LPP: variants seen among roughly 807,000 people sequenced by gnomAD.
The protein encoded by LPP is LIM domain containing preferred translocation partner in lipoma, also known as lipoma-preferred partner.
A neutral mutation model predicts 60.4 loss-of-function variants in LPP; 38 were observed. The ratio of observed to expected loss-of-function variants is 0.63; its 90% CI spans 0.49 to 0.83. The LOEUF (loss-of-function observed/expected upper bound fraction) is 0.83, where lower values mean the gene tolerates loss of function less well. Among genes scored for constraint, LPP ranks in the 40% least tolerant of loss-of-function variants. The pLI is 0.00. For missense variants in LPP, 902 were observed against 783.6 expected, an observed-to-expected ratio of 1.15 and a Z score of -1.80; for synonymous variants, 328 against 290.8, an observed-to-expected ratio of 1.13 and a Z score of -1.30.
At chr3:188,237,772 G>A (rs139929730) in intron 2 of LPP, among the ~76,000 whole-genome samples, 326 of 152,214 alleles carry the variant, frequency 2.1e-3, no homozygotes, top group Non-Finnish European at 3.4e-3. Context: ...CATTTATAGA[G>A]CACAGGCAGA....
chr3:188,847,383 G>T (rs1253101171), intron 9 of LPP, among the ~76,000 whole-genome samples: 1 of 152,204 alleles, frequency 6.6e-6, no homozygotes, highest in Non-Finnish European at 1.5e-5. Context: ...ATGGATGAAA[G>T]AGATGGAGAA....
intron 7 of LPP, among the ~76,000 whole-genome samples, chr3:188,644,118 C>T (rs1334666365): frequency 6.6e-6 from 1 of 152,114 alleles, no homozygotes; most frequent in Non-Finnish European, 1.5e-5. Flanking sequence ...ATCGCTTATT[C>T]TGTGTTCCAA....
chr3:188,703,748 C>A (rs1864939708), intron 7 of LPP, among the ~76,000 whole-genome samples: 1 of 152,088 alleles, frequency 6.6e-6, no homozygotes, highest in Admixed American at 6.6e-5. Flanking sequence ...ATAGAGTATT[C>A]AGAGAACAAA....
At chr3:188,852,285 C>G (rs1277699497) in intron 9 of LPP, among the ~76,000 whole-genome samples, 1 of 152,148 alleles carries the variant, frequency 6.6e-6, no homozygotes, top group East Asian at 1.9e-4. Context: ...TACACCTGGG[C>G]CAGGAGTGTT....
chr3:188,268,509 A>T (rs1736443810), intron 2 of LPP, among the ~76,000 whole-genome samples: 1 of 152,258 alleles, frequency 6.6e-6, no homozygotes. Flanking sequence ...TGGACTGGTT[A>T]CAGCTTGGTG....
chr3:188,841,614 T>C (rs1760047500), intron 9 of LPP, among the ~76,000 whole-genome samples: 1 of 152,100 alleles, frequency 6.6e-6, no homozygotes, highest in African/African-American at 2.4e-5. Context: ...ATGGTCTCTA[T>C]CTCTTGACTT....
intron 1 of LPP, among the ~76,000 whole-genome samples, chr3:188,205,275 A>ATTTT (rs1732848599): frequency 6.9e-6 from 1 of 145,024 alleles, no homozygotes; most frequent in African/African-American, 2.6e-5. Context: ...ATAGATTATA[A>ATTTT]TCTTTTTTTT....
intron 2 of LPP, among the ~76,000 whole-genome samples, chr3:188,253,073 C>CTT (rs113892337): frequency 0.014 from 1,936 of 136,550 alleles, 26 homozygotes; most frequent in Non-Finnish European, 0.019. Flanking sequence ...GTGCTCAGTC[C>CTT]TTTTTTTTTT....
At chr3:188,605,983 G>T (rs898123608) in intron 6 of LPP, among the ~76,000 whole-genome samples, 1 of 152,096 alleles carries the variant, frequency 6.6e-6, no homozygotes, top group African/African-American at 2.4e-5. Flanking sequence ...CATTTATCGG[G>T]TAGGGAGCAA....
At chr3:188,283,334 T>A (rs1742761148) in intron 2 of LPP, among the ~76,000 whole-genome samples, 1 of 152,188 alleles carries the variant, frequency 6.6e-6, no homozygotes, top group Non-Finnish European at 1.5e-5. Context: ...GACTTTGCAG[T>A]TGCCCCTGTT....
At chr3:188,274,664 G>T (rs6791071) in intron 2 of LPP, among the ~76,000 whole-genome samples, 4,305 of 152,230 alleles carry the variant, frequency 0.028, 208 homozygotes, top group African/African-American at 0.099. Flanking sequence ...AATAAAAAAC[G>T]ATTCCAAAGC....
At chr3:188,163,307 G>T (rs1718874025) in intron 1 of LPP, among the ~76,000 whole-genome samples, 1 of 152,166 alleles carries the variant, frequency 6.6e-6, no homozygotes, top group Admixed American at 6.5e-5. Context: ...GGATAAGCAT[G>T]AGGATCAGGA....
chr3:188,571,206 A>C (rs1349285463), intron 6 of LPP, among the ~76,000 whole-genome samples: 1 of 152,110 alleles, frequency 6.6e-6, no homozygotes, highest in African/African-American at 2.4e-5. Context: ...TCCCATGTTT[A>C]GTAGTGGTGA....
At chr3:188,577,796 TCCCTCCC>T (rs1835081990) in intron 6 of LPP, among the ~76,000 whole-genome samples, 1 of 107,440 alleles carries the variant, frequency 9.3e-6, no homozygotes, top group Non-Finnish European at 1.9e-5. Flanking sequence ...TTCCCTTCCC[TCCCTCCC>T]TCCTTCCTCC....
chr3:188,872,615 C>G, intron 10 of LPP, 28 bp from the exon 11 acceptor site: 1 of 1,614,002 alleles, frequency 6.2e-7, no homozygotes, highest in Non-Finnish European at 8.5e-7. Context: ...CGCGCAGTAT[C>G]TAACCAGAAC....
intron 6 of LPP, among the ~76,000 whole-genome samples, chr3:188,535,237 T>TC (rs1823249501): frequency 6.6e-6 from 1 of 152,200 alleles, no homozygotes; most frequent in Non-Finnish European, 1.5e-5. Context: ...TGTTTCATTG[T>TC]ATTGAGTCAC....
chr3:188,510,049 G>T (rs538978196), intron 5 of LPP, among the ~76,000 whole-genome samples: 3 of 151,950 alleles, frequency 2.0e-5, no homozygotes. Context: ...GTACTAAACT[G>T]TCACTGAGTA....
chr3:188,154,371 T>C (rs1414356087), intron 1 of LPP, among the ~76,000 whole-genome samples, 119 bp downstream of exon 1: 1 of 152,030 alleles, frequency 6.6e-6, no homozygotes, highest in African/African-American at 2.4e-5. Flanking sequence ...CGCGCCCTGC[T>C]CTGGCCTGGC....
At chr3:188,229,131 A>G (rs921128907) in intron 2 of LPP, among the ~76,000 whole-genome samples, 2 of 152,206 alleles carry the variant, frequency 1.3e-5, no homozygotes, top group African/African-American at 4.8e-5. Context: ...AAATTGAAAT[A>G]GAATTATGTA....
Sources: allele counts gnomAD v4.1 joint callset (sites outside exome capture counted in the v4.1 genomes callset), GRCh38; gene constraint gnomAD v4.1.1; transcripts MANE v1.5; gene names NCBI Gene and HGNC (gene_info 2026-07-23, HGNC 2026-07-21).